The following STK3 variants were observed in gnomAD, a reference collection of about 807,000 sequenced individuals.
STK3 encodes the protein serine/threonine-protein kinase 3.
STK3 carries 41 observed loss-of-function variants against 58.0 expected under a neutral mutation model. The ratio of observed to expected loss-of-function variants is 0.71; its 90% CI spans 0.55 to 0.92. The LOEUF (loss-of-function observed/expected upper bound fraction) is 0.92. Ranked by LOEUF, STK3 falls within the 40% of genes least tolerant of loss-of-function variation. The probability of loss-of-function intolerance (pLI) is 0.00; values close to 1 mark genes in which losing one functional copy is unlikely to be tolerated. For missense variants in STK3, 479 were observed against 602.7 expected, an observed-to-expected ratio of 0.79 and a Z score of 2.15; for synonymous variants, 170 against 191.0, an observed-to-expected ratio of 0.89 and a Z score of 0.91.
At chr8:98,507,475 G>C (rs111406090) in intron 10 of STK3, among the ~76,000 whole-genome samples, 1 of 152,144 alleles carries the variant, frequency 6.6e-6, no homozygotes, top group Non-Finnish European at 1.5e-5. Flanking sequence ...CTCTTTGCCC[G>C]GATGACTGCT....
intron 9 of STK3, among the ~76,000 whole-genome samples, chr8:98,539,454 C>G (rs1245134158): frequency 1.3e-5 from 2 of 152,064 alleles, no homozygotes; most frequent in Non-Finnish European, 2.9e-5. Context: ...TTCTTGGTAT[C>G]TCTCCTCAAC....
At chr8:98,470,771 T>C (rs1820857863) in intron 10 of STK3, among the ~76,000 whole-genome samples, 1 of 152,212 alleles carries the variant, frequency 6.6e-6, no homozygotes, top group East Asian at 1.9e-4. Context: ...CCTTGGTAAA[T>C]CTCTGCTCTA....
At chr8:98,666,741 T>A (rs1233409776) in intron 6 of STK3, among the ~76,000 whole-genome samples, 2 of 152,198 alleles carry the variant, frequency 1.3e-5, no homozygotes, top group Non-Finnish European at 2.9e-5. Context: ...GAAAAACTAA[T>A]AATTTTCAGC....
At chr8:98,608,349 T>C (rs1482037851) in intron 6 of STK3, among the ~76,000 whole-genome samples, 1 of 152,120 alleles carries the variant, frequency 6.6e-6, no homozygotes, top group Middle Eastern at 3.2e-3. Context: ...TTCTTTAAAG[T>C]GAAAAGGACT....
intron 4 of STK3, among the ~76,000 whole-genome samples, chr8:98,735,680 T>C (rs374281849): frequency 6.6e-6 from 1 of 152,162 alleles, no homozygotes; most frequent in East Asian, 1.9e-4. Context: ...ACCACTACCA[T>C]TAATTACCAC....
At chr8:98,857,098 G>A (rs1836712796) in intron 3 of STK3, among the ~76,000 whole-genome samples, 1 of 152,128 alleles carries the variant, frequency 6.6e-6, no homozygotes, top group Non-Finnish European at 1.5e-5. Context: ...AAGAATAGGG[G>A]GTTTCTTCTC....
chr8:98,813,545 T>C (rs1834357202), intron 1 of STK3, among the ~76,000 whole-genome samples: 1 of 152,198 alleles, frequency 6.6e-6, no homozygotes, highest in Non-Finnish European at 1.5e-5. Flanking sequence ...TCCTCTTAAG[T>C]TGGGCTCTTT....
intron 10 of STK3, among the ~76,000 whole-genome samples, chr8:98,500,599 G>A (rs1254051285): frequency 6.6e-6 from 1 of 152,046 alleles, no homozygotes; most frequent in African/African-American, 2.4e-5. Flanking sequence ...ACCTATGGTG[G>A]TTTTTGTTGC....
chr8:98,592,763 T>G lies in STK3; in HGVS notation c.822+3269A>C, dbSNP rs1167753632. ...TTTATTTATTTATTTATTTATTTAT[T>G]TATTTATTTATTTATTTTGAGACAG... On this transcript the variant is annotated intron_variant, in intron 7 of 10. Transcript: ENST00000419617. Among the ~76,000 whole-genome samples, 7 of 150,816 alleles carry G rather than the reference T, an allele frequency of 4.6e-5. No individual in the cohort carries two copies. In the East Asian group the frequency reaches 1.4e-3, roughly 29 times the overall value.
chr8:98,483,404 C>T (rs1821998709), intron 10 of STK3, among the ~76,000 whole-genome samples: 1 of 152,216 alleles, frequency 6.6e-6, no homozygotes, highest in Non-Finnish European at 1.5e-5. Context: ...ACCAGATTAG[C>T]CACACAATAT....
At chr8:98,707,864 C>T (rs150951912) in intron 4 of STK3, among the ~76,000 whole-genome samples, 5 of 152,116 alleles carry the variant, frequency 3.3e-5, no homozygotes, top group East Asian at 1.9e-4. Flanking sequence ...ATCAGCAGGG[C>T]GTGGTGGCTC....
intron 4 of STK3, among the ~76,000 whole-genome samples, chr8:98,737,507 T>C (rs1296571671): frequency 6.6e-6 from 1 of 151,714 alleles, no homozygotes; most frequent in East Asian, 1.9e-4. Flanking sequence ...AAATGACTAA[T>C]TAGTAAAATC....
chr8:98,618,408 T>C lies in STK3; in HGVS notation c.685-22239A>G, dbSNP rs1468032042. Among the ~76,000 whole-genome samples the C allele has an allele frequency of 3.4e-3, 517 of 151,896 alleles. 4 individuals carry two copies. Among genetic ancestry groups the C allele is most frequent in the African/African-American group, 0.011 (473 of 41,222 alleles). The stretch of plus-strand genomic sequence containing the variant: ...ATTCCCTTTGAAAACTGGCACAAGA[T>C]AGGGATGCCCTCTCTCACTGCTGCT... On this transcript the variant is annotated intron_variant, in intron 6 of 10. Coordinates refer to ENST00000419617, the MANE Select transcript of STK3 (RefSeq NM_006281.4).
At chr8:98,566,557 T>C (rs1004899798) in intron 8 of STK3, among the ~76,000 whole-genome samples, 1 of 152,114 alleles carries the variant, frequency 6.6e-6, no homozygotes, top group Non-Finnish European at 1.5e-5. Context: ...GTTCTGAAAT[T>C]CTGAAATCAG....
intron 3 of STK3, among the ~76,000 whole-genome samples, chr8:98,407,970 G>A (rs991675303): frequency 2.6e-5 from 4 of 152,162 alleles, no homozygotes; most frequent in African/African-American, 7.2e-5. Flanking sequence ...CATTATACTC[G>A]CAGTGAACCT....
intron 3 of STK3, among the ~76,000 whole-genome samples, chr8:98,873,661 C>G (rs1266802761): frequency 1.3e-5 from 2 of 151,034 alleles, no homozygotes; most frequent in East Asian, 3.9e-4. Context: ...AGGATTGCAA[C>G]CCCTGCTTTT....
intron 6 of STK3, among the ~76,000 whole-genome samples, chr8:98,672,906 A>C (rs1386015963): frequency 8.5e-5 from 13 of 152,162 alleles, no homozygotes; most frequent in Non-Finnish European, 2.9e-5. Flanking sequence ...TTTTACATAC[A>C]GAGAAGCCAT....
intron 10 of STK3, among the ~76,000 whole-genome samples, chr8:98,492,144 A>G (rs1322431316): frequency 6.6e-6 from 1 of 152,264 alleles, no homozygotes; most frequent in African/African-American, 2.4e-5. Flanking sequence ...AAAAAGCTCA[A>G]TGACACACAC....
rs1833422406 is a variant in STK3, at chr8:98,800,075, C to T, written c.27-25256G>A. Among the ~76,000 whole-genome samples the T allele has an allele frequency of 6.6e-6, 1 of 152,210 alleles. No homozygotes were observed. Among genetic ancestry groups the T allele is most frequent in the Non-Finnish European group, 1.5e-5 (1 of 68,038 alleles). On this transcript the variant is annotated intron_variant, in intron 1 of 10. Transcript: ENST00000419617. This position sits in a 1 kb window ranked among gnomAD's most constrained non-coding sequence, Gnocchi z 4.8. ...TCTTATACCAACCTCTGGAGTTGGG[C>T]AACATGGCTTCTCCCCTTTCTAGGT...
Sources: allele counts gnomAD v4.1 joint callset (sites outside exome capture counted in the v4.1 genomes callset), GRCh38; gene constraint gnomAD v4.1.1; non-coding constraint Gnocchi (gnomAD v3.1); transcripts MANE v1.5; gene names NCBI Gene and HGNC (gene_info 2026-07-23, HGNC 2026-07-21).